Variants in ASTN2 observed in about 807,000 individuals in gnomAD.
The protein encoded by ASTN2 is astrotactin 2.
Under a neutral mutation model 139.8 loss-of-function variants are expected in ASTN2, and 54 were observed. The ratio of observed to expected loss-of-function variants is 0.39; its 90% CI spans 0.31 to 0.48. The LOEUF (loss-of-function observed/expected upper bound fraction) is 0.48, where lower values mean the gene tolerates loss of function less well. ASTN2 is among the 20% of genes least tolerant of loss of function. ASTN2 has a pLI of 0.95. For synonymous variants in ASTN2, 756 were observed against 719.5 expected, an observed-to-expected ratio of 1.05 and a Z score of -0.81; for missense variants, 1,565 against 1,725.1, an observed-to-expected ratio of 0.91 and a Z score of 1.64.
chr9:117,261,486 G>A (rs1833821462), intron 2 of ASTN2, among the ~76,000 whole-genome samples: 1 of 152,118 alleles, frequency 6.6e-6, no homozygotes, highest in Admixed American at 6.6e-5. Flanking sequence ...AATTCACCAG[G>A]TGTTATCTCT....
chr9:116,681,717 A>G (rs1196960613), intron 16 of ASTN2, among the ~76,000 whole-genome samples: 8 of 151,690 alleles, frequency 5.3e-5, no homozygotes, highest in African/African-American at 9.7e-5. Flanking sequence ...CAGAAATAAC[A>G]CCGCATATCT....
At chr9:117,081,852 A>G (rs1209387852) in intron 5 of ASTN2, among the ~76,000 whole-genome samples, 1 of 152,202 alleles carries the variant, frequency 6.6e-6, no homozygotes, top group Admixed American at 6.5e-5. Context: ...CACATCACTC[A>G]TACAGCTACA....
chr9:117,360,907 G>GT (rs1257472702), intron 1 of ASTN2, among the ~76,000 whole-genome samples: 2 of 152,112 alleles, frequency 1.3e-5, no homozygotes, highest in East Asian at 3.9e-4. Context: ...AATAGAAACA[G>GT]TTTTTTTCCC....
chr9:116,889,674 C>A (rs1451009940), intron 10 of ASTN2, among the ~76,000 whole-genome samples: 1 of 150,504 alleles, frequency 6.6e-6, no homozygotes, highest in Non-Finnish European at 1.5e-5. Context: ...TCACTTGAGC[C>A]AAGGAGTTTA....
intron 1 of ASTN2, among the ~76,000 whole-genome samples, chr9:117,382,269 G>C (rs369154065): frequency 3.9e-5 from 6 of 152,306 alleles, no homozygotes; most frequent in African/African-American, 1.2e-4. Flanking sequence ...AACAGAGTAT[G>C]ACTAGGTGTG....
Position 116,571,290 on chromosome 9 carries a change from C to A in ASTN2, c.3355+47034G>T, listed in dbSNP as rs59299461. Among the ~76,000 whole-genome samples the A allele has an allele frequency of 1.1e-3, 163 of 152,190 alleles. 1 individual carries two copies. The highest frequency in any genetic ancestry group is 2.0e-3 in the Admixed American group (31 of 15,302). On this transcript the variant is annotated intron_variant, in intron 19 of 22. Coordinates refer to ENST00000313400, the MANE Select transcript of ASTN2 (RefSeq NM_001365068.1). ...TCACCTTGTTCTTTGCTATCATGAC[C>A]GAGGCAGAGAGGGGAAAGAGACCAA...
At chr9:117,177,980 C>T (rs1311818973) in intron 3 of ASTN2, among the ~76,000 whole-genome samples, 5 of 152,144 alleles carry the variant, frequency 3.3e-5, no homozygotes, top group African/African-American at 7.2e-5. Context: ...CCCGTGTGAT[C>T]GGGCCCTGTC....
At chr9:116,858,488 G>A (rs897822635) in intron 11 of ASTN2, among the ~76,000 whole-genome samples, 1 of 152,274 alleles carries the variant, frequency 6.6e-6, no homozygotes, top group East Asian at 1.9e-4. Context: ...TCCTCCATAC[G>A]ATGCTGTGAT....
intron 5 of ASTN2, among the ~76,000 whole-genome samples, chr9:117,083,574 C>G (rs1049120275): frequency 1.3e-5 from 2 of 152,122 alleles, no homozygotes; most frequent in African/African-American, 4.8e-5. Context: ...TAAGAGAACA[C>G]TGGCCGTCTC....
At chr9:116,529,685 T>C (rs924146059) in intron 19 of ASTN2, among the ~76,000 whole-genome samples, 8 of 151,990 alleles carry the variant, frequency 5.3e-5, no homozygotes, top group South Asian at 4.2e-4. Context: ...TGGGAGGTGA[T>C]TGGGTCATGA....
At chr9:117,081,912 A>G (rs1828439079) in intron 5 of ASTN2, among the ~76,000 whole-genome samples, 1 of 152,172 alleles carries the variant, frequency 6.6e-6, no homozygotes, top group Non-Finnish European at 1.5e-5. Flanking sequence ...AGGATTCTAC[A>G]TGTCAGCTGC....
chr9:116,514,180 G>A (rs1358190057), intron 19 of ASTN2, among the ~76,000 whole-genome samples: 1 of 150,548 alleles, frequency 6.6e-6, no homozygotes, highest in Non-Finnish European at 1.5e-5. Flanking sequence ...TGGGGTTTTG[G>A]TGTGGATGTC....
chr9:116,777,471 T>G (rs1011443422), intron 13 of ASTN2, among the ~76,000 whole-genome samples: 2 of 152,114 alleles, frequency 1.3e-5, no homozygotes, highest in African/African-American at 4.8e-5. Flanking sequence ...CAGGTGTGTC[T>G]GATTCCAAGA....
intron 19 of ASTN2, among the ~76,000 whole-genome samples, chr9:116,600,277 T>C (rs1005768643): frequency 1.4e-5 from 2 of 145,486 alleles, no homozygotes; most frequent in Admixed American, 7.1e-5. Context: ...CGAGGTGTGA[T>C]TGGGCCCCTG....
At chr9:116,686,932 T>C in intron 16 of ASTN2, 2 of 1,491,734 alleles carry the variant, frequency 1.3e-6, no homozygotes, top group Non-Finnish European at 1.8e-6. Context: ...CGTTGGCCCA[T>C]TTCTCAGATG....
chr9:116,672,805 A>G (rs1466017036), intron 16 of ASTN2, among the ~76,000 whole-genome samples: 1 of 152,172 alleles, frequency 6.6e-6, no homozygotes. Flanking sequence ...TACCCTTCCA[A>G]CTGGGTGGTG....
At chr9:116,697,440 G>C (rs1860920203) in intron 16 of ASTN2, 2 of 386,466 alleles carry the variant, frequency 5.2e-6, no homozygotes, top group South Asian at 5.2e-5. Context: ...CTAAGTAAGT[G>C]TCTGAGACTA....
chr9:117,206,426 AG>A (rs1831926503), intron 3 of ASTN2, among the ~76,000 whole-genome samples: 1 of 152,186 alleles, frequency 6.6e-6, no homozygotes, highest in African/African-American at 2.4e-5. Context: ...AGAGCCACCA[AG>A]AATTTATACA....
chr9:116,982,608 C>T (rs1417572783), intron 7 of ASTN2, among the ~76,000 whole-genome samples: 5 of 151,752 alleles, frequency 3.3e-5, no homozygotes, highest in Non-Finnish European at 7.4e-5. Flanking sequence ...CTCTGTTGCC[C>T]AAGCTGGAGT....
Sources: allele counts gnomAD v4.1 joint callset (sites outside exome capture counted in the v4.1 genomes callset), GRCh38; gene constraint gnomAD v4.1.1; transcripts MANE v1.5; gene names NCBI Gene and HGNC (gene_info 2026-07-23, HGNC 2026-07-21).